SIX6: variants seen among roughly 807,000 people sequenced by gnomAD.
The protein encoded by SIX6 is homeobox protein SIX6.
Under a neutral mutation model 23.6 loss-of-function variants are expected in SIX6, and 14 were observed. The observed-to-expected ratio is 0.59, with a 90% CI of 0.39 to 0.93. The LOEUF is 0.93. SIX6 is among the 40% of genes least tolerant of loss of function. SIX6 has a pLI of 0.00. For synonymous variants in SIX6, 128 were observed against 144.9 expected (o/e 0.88, Z 0.84); for missense variants, 307 against 325.6 (o/e 0.94, Z 0.44).
At position 60,512,589 on chromosome 14, in the gene SIX6, A is replaced by C. The variant is rs1231838060; in HGVS notation, c.*1337A>C. 1.3e-5 allele frequency: 2 copies of C among 152,236 alleles called. No individual in the cohort carries two copies. Among genetic ancestry groups the C allele is most frequent in the African/African-American group, 4.8e-5 (2 of 41,460 alleles). The allele number at this position is 152,236 out of a possible 1,614,324, so 9.4% of individuals were successfully genotyped here. ...GAAATAACTGGCATTTTAAAAACCT[A>C]ATCTCCGAATTAAGCATAGAACAAG... is the stretch of plus-strand genomic sequence containing the variant. On this transcript the variant is annotated 3_prime_UTR_variant, in exon 2 of 2. Transcript: ENST00000327720.
At position 60,512,069 on chromosome 14, in the gene SIX6, A is replaced by C. The variant is rs1893303573; in HGVS notation, c.*817A>C. 1 of 150,260 alleles carries C rather than the reference A, an allele frequency of 6.7e-6. No homozygotes were observed. The highest frequency in any genetic ancestry group is 2.5e-5 in the African/African-American group (1 of 40,774). 9.3% of individuals were successfully genotyped at this position (150,260 alleles called of 1,614,324 possible). A position where few individuals can be genotyped will look rare whatever the true frequency, so the allele number is the denominator to read the frequency against. On this transcript the variant is annotated 3_prime_UTR_variant, in exon 2 of 2. Transcript: ENST00000327720. ...CCTATACAAACATATGTATGTATGC[A>C]TACACGTGATATATTTAAGGCTAGA...
chr14:60,512,526 G>T lies in SIX6; in HGVS notation c.*1274G>T, dbSNP rs1387120584. On this transcript the variant is annotated 3_prime_UTR_variant, in exon 2 of 2. Coordinates refer to ENST00000327720, the MANE Select transcript of SIX6 (RefSeq NM_007374.3). Reference sequence around the variant, plus strand: ...GGGATACTGAGATGGGGGAAAGGATGTAATCATGTCACATACTGAGGGTAA... The same window carrying T: ...GGGATACTGAGATGGGGGAAAGGATTTAATCATGTCACATACTGAGGGTAA... The T allele has an allele frequency of 6.6e-6, 1 of 152,182 alleles. No individual in the cohort carries two copies. The highest frequency in any genetic ancestry group is 1.5e-5 in the Non-Finnish European group (1 of 68,034). The allele number at this position is 152,182 out of a possible 1,614,324, so 9.4% of individuals were successfully genotyped here.
rs1893265192 is a variant in SIX6 at position 60,509,936 on chromosome 14, C to T, written c.538C>T (p.Arg180Ter). ...TQVGNWFKNR[R>*]QRDRAAAAKN... ...GGTGGGCAACTGGTTCAAAAACCGC[C>T]GACAAAGGGACCGAGCGGCTGCAGC... The change falls in exon 1 of 2, where the codon CGA becomes TGA. Residue 180 changes from arginine to a stop codon, truncating the protein, a stop_gained. Coordinates refer to ENST00000327720, the MANE Select transcript of SIX6 (RefSeq NM_007374.3). LOFTEE classifies it high-confidence loss of function. 6.2e-7 allele frequency: 1 copy of T among 1,610,154 alleles called. No homozygotes were observed. The highest frequency in any genetic ancestry group is 8.5e-7 in the Non-Finnish European group (1 of 1,178,096).
In SIX6 at chr14:60,509,209, G is replaced by A. The variant is rs890642119; in HGVS notation, c.-190G>A. On this transcript the variant is annotated 5_prime_UTR_variant, in exon 1 of 2. Transcript: ENST00000327720. ...GAGCCGAGCCCGAACCCCAAGCCGC[G>A]GAGCCAGCACCTCCTCCAGTCGGGG... The A allele has an allele frequency of 8.3e-6, 5 of 604,278 alleles. No homozygotes were observed. Among genetic ancestry groups the A allele is most frequent in the African/African-American group, 5.6e-5 (3 of 53,742 alleles). The allele number at this position is 604,278 out of a possible 1,614,324, so 37.4% of individuals were successfully genotyped here.
Position 60,511,000 on chromosome 14 carries a change from C to G in SIX6, c.573-84C>G, listed in dbSNP as rs1397809728. On this transcript the variant is annotated intron_variant, in intron 1 of 1. Transcript: ENST00000327720. The stretch of plus-strand genomic sequence containing the variant: ...TTCGGAAGAACCTCTAGCCGCCGGG[C>G]TGGAGGGACGCAGGAGGTGGTGGGG... 2.1e-6 allele frequency: 3 copies of G among 1,416,280 alleles called. No homozygotes were observed. In the Admixed American group the frequency reaches 5.8e-5, roughly 27 times the overall value. 87.7% of individuals were successfully genotyped at this position (1,416,280 alleles called of 1,614,324 possible).
At position 60,509,416 on chromosome 14, in the gene SIX6, C is replaced by T. The variant is rs150715226; in HGVS notation, c.18C>T (p.Ile6=). The part of the protein sequence containing the change: MFQLP[I]LNFSPQQVAG... ...CTGCCTCGATGTTCCAGCTGCCCATCTTGAATTTCAGCCCCCAGCAAGTGG... is the reference window on the plus strand; with the variant it reads ...CTGCCTCGATGTTCCAGCTGCCCATTTTGAATTTCAGCCCCCAGCAAGTGG... The change falls in exon 1 of 2, where the codon ATC becomes ATT. Residue 6 remains isoleucine (I), a synonymous_variant. Coordinates refer to ENST00000327720, the MANE Select transcript of SIX6 (RefSeq NM_007374.3). The T allele has an allele frequency of 2.0e-4, 319 of 1,599,560 alleles. No homozygotes were observed. The African/African-American group carries it at 3.8e-3, about 19-fold the overall frequency.
chr14:60,509,335 C>T lies in SIX6; in HGVS notation c.-64C>T, dbSNP rs148591528. 1.3e-3 allele frequency: 1,772 copies of T among 1,405,632 alleles called. 15 individuals are homozygous for T. In the African/African-American group the frequency reaches 0.019, roughly 15 times the overall value. The allele number at this position is 1,405,632 out of a possible 1,614,324, so 87.1% of individuals were successfully genotyped here. On this transcript the variant is annotated 5_prime_UTR_variant, in exon 1 of 2. Transcript: ENST00000327720. Reference sequence around the variant, plus strand: ...AGCGCCTGGCACACTCAGCCAGGCCCGCGGGCATCTGCTGCGTGTCCCGCT... The same window carrying T: ...AGCGCCTGGCACACTCAGCCAGGCCTGCGGGCATCTGCTGCGTGTCCCGCT...
intron 1 of SIX6, among the ~76,000 whole-genome samples, chr14:60,510,681 T>G (rs762968137): frequency 6.6e-6 from 1 of 152,228 alleles, no homozygotes. Context: ...TGCTCAGGCG[T>G]AAGCCCCAGG....
rs556168853 is a variant in SIX6 at position 60,509,778 on chromosome 14, A to G, written c.380A>G (p.Asp127Gly). The G allele has an allele frequency of 4.3e-6, 7 of 1,613,064 alleles. No individual in the cohort carries two copies. Among genetic ancestry groups the G allele is most frequent in the Non-Finnish European group, 5.9e-6 (7 of 1,179,200 alleles). The stretch of plus-strand genomic sequence containing the variant: ...TTCCCGCTGCCGCGCACCATTTGGG[A>G]CGGCGAACAGAAGACACACTGCTTC... ...KKFPLPRTIW[D>G]GEQKTHCFKE... is the part of the protein sequence containing the mutation. Residue 127 changes from aspartate (D) to glycine (G), a missense_variant, in exon 1 of 2, where the codon GAC (aspartate) becomes GGC (glycine). By Grantham distance (94) the Asp-to-Gly change is moderately conservative. Transcript: ENST00000327720.
In SIX6 at chr14:60,509,355, C is replaced by G; in HGVS notation, c.-44C>G. On this transcript the variant is annotated 5_prime_UTR_variant, in exon 1 of 2. Coordinates refer to ENST00000327720, the MANE Select transcript of SIX6 (RefSeq NM_007374.3). ...AGGCCCGCGGGCATCTGCTGCGTGT[C>G]CCGCTCCGGGCTCAGTGCCCTCGCC... 6.4e-7 allele frequency: 1 copy of G among 1,553,654 alleles called. No individual in the cohort carries two copies. The highest frequency in any genetic ancestry group is 8.8e-7 in the Non-Finnish European group (1 of 1,139,054).
At position 60,511,611 on chromosome 14, in the gene SIX6, T is replaced by C. The variant is rs1013514980; in HGVS notation, c.*359T>C. The C allele has an allele frequency of 8.4e-5, 36 of 428,926 alleles. 1 individual carries two copies. Among genetic ancestry groups the C allele is most frequent in the South Asian group, 3.9e-4 (17 of 43,714 alleles). The allele number at this position is 428,926 out of a possible 1,614,324, so 26.6% of individuals were successfully genotyped here. On this transcript the variant is annotated 3_prime_UTR_variant, in exon 2 of 2. Coordinates refer to ENST00000327720, the MANE Select transcript of SIX6 (RefSeq NM_007374.3). Reference sequence around the variant, plus strand: ...CACGTCGAAAGGACGCTGTTACATATGTATAACTTTCGCTTTAAAGTTTTT... The same window carrying C: ...CACGTCGAAAGGACGCTGTTACATACGTATAACTTTCGCTTTAAAGTTTTT...
rs33912345 is a variant in SIX6, at chr14:60,509,819, C to A, written c.421C>A (p.His141Asn). 0.56 allele frequency: 908,621 copies of A among 1,612,972 alleles called. 270,703 individuals carry two copies. The highest frequency in any genetic ancestry group is 0.65 in the Admixed American group (39,007 of 59,880). Residue 141 changes from histidine (H) to asparagine (N), a missense_variant, in exon 1 of 2, where the codon CAC becomes AAC. Coordinates refer to ENST00000327720, the MANE Select transcript of SIX6 (RefSeq NM_007374.3). ...ACACTGCTTCAAGGAGCGCACGCGG[C>A]ACCTGCTACGCGAGTGGTACCTGCA... The part of the protein sequence containing the change: ...KTHCFKERTR[H>N]LLREWYLQDP...
chr14:60,509,907 C>T lies in SIX6; in HGVS notation c.509C>T (p.Thr170Met), dbSNP rs1478357698. The T allele has an allele frequency of 1.2e-6, 2 of 1,612,328 alleles. No homozygotes were observed. Among genetic ancestry groups the T allele is most frequent in the South Asian group, 1.1e-5 (1 of 90,834 alleles). ...GCCCAGGCAACCGGACTGACCCCTA[C>T]GCAGGTGGGCAACTGGTTCAAAAAC... ...ELAQATGLTP[T>M]QVGNWFKNRR... The change falls in exon 1 of 2, where the codon ACG becomes ATG. Residue 170 changes from threonine to methionine, a missense_variant. Thr to Met is a moderately conservative substitution (Grantham distance 81, BLOSUM62 -1). Coordinates refer to ENST00000327720, the MANE Select transcript of SIX6 (RefSeq NM_007374.3).
At position 60,511,476 on chromosome 14, in the gene SIX6, C is replaced by G; in HGVS notation, c.*224C>G. The stretch of plus-strand genomic sequence containing the variant: ...CGGGAACCAGCGGTGAGGCCTGACC[C>G]AGCACCACGTTCTTCTTGCTTTGCT... On this transcript the variant is annotated 3_prime_UTR_variant, in exon 2 of 2. Transcript: ENST00000327720. 1.6e-6 allele frequency: 1 copy of G among 613,360 alleles called. No individual in the cohort carries two copies. Among genetic ancestry groups the G allele is most frequent in the East Asian group, 2.8e-5 (1 of 36,286 alleles). The allele number at this position is 613,360 out of a possible 1,614,324, so 38.0% of individuals were successfully genotyped here.
At chr14:60,510,879 G>A (rs1163624374) in intron 1 of SIX6, among the ~76,000 whole-genome samples, 3 of 152,252 alleles carry the variant, frequency 2.0e-5, no homozygotes, top group Admixed American at 6.5e-5. Context: ...GAATCATGGT[G>A]GGGCACAACA....
chr14:60,509,184 G>T lies in SIX6; in HGVS notation c.-215G>T. The T allele has an allele frequency of 1.7e-6, 1 of 586,186 alleles. No homozygotes were observed. 36.3% of individuals were successfully genotyped at this position (586,186 alleles called of 1,614,324 possible). A position where few individuals can be genotyped will look rare whatever the true frequency, so the allele number is the denominator to read the frequency against. On this transcript the variant is annotated 5_prime_UTR_variant, in exon 1 of 2. Transcript: ENST00000327720. ...GCTCGCCTGCCGGCGTGCCTGAGCC[G>T]AGCCGAGCCCGAACCCCAAGCCGCG... is the stretch of plus-strand genomic sequence containing the variant.
Position 60,509,517 on chromosome 14 carries a change from C to T in SIX6, c.119C>T (p.Ala40Val). ...LGRFLWSLPV[A>V]PAACEALNKN... The stretch of plus-strand genomic sequence containing the variant: ...CGCTTCCTCTGGTCGCTGCCCGTGG[C>T]CCCTGCGGCCTGCGAGGCCCTCAAC... Residue 40 changes from alanine to valine, a missense_variant, in exon 1 of 2, where the codon GCC becomes GTC. Ala to Val is a moderately conservative substitution (Grantham distance 64). Coordinates refer to ENST00000327720, the MANE Select transcript of SIX6 (RefSeq NM_007374.3). The T allele has an allele frequency of 6.2e-7, 1 of 1,606,482 alleles. No homozygotes were observed.
At chr14:60,510,964 C>T in intron 1 of SIX6, 120 bp from the exon 2 acceptor site, 1 of 1,038,676 alleles carries the variant, frequency 9.6e-7, no homozygotes, top group Non-Finnish European at 1.4e-6. Flanking sequence ...CTCGCCTTAA[C>T]TGCTGGGGTC....
rs2140189817 is a variant in SIX6, at chr14:60,511,253, G to A, written c.*1G>A. 3 of 1,613,434 alleles carry A rather than the reference G, an allele frequency of 1.9e-6. No individual in the cohort carries two copies. The highest frequency in any genetic ancestry group is 4.5e-5 in the East Asian group (2 of 44,878). ...CAGCGACAGCGAGTGCGACATCTGA[G>A]TTGCCCATCCAGGATGCTCAGAAGC... On this transcript the variant is annotated 3_prime_UTR_variant, in exon 2 of 2. Coordinates refer to ENST00000327720, the MANE Select transcript of SIX6 (RefSeq NM_007374.3).
Sources: allele counts gnomAD v4.1 joint callset (sites outside exome capture counted in the v4.1 genomes callset), GRCh38; gene constraint gnomAD v4.1.1; transcripts MANE v1.5; gene names NCBI Gene and HGNC (gene_info 2026-07-23, HGNC 2026-07-21).